Variants in KIF16B observed in about 807,000 individuals in gnomAD.
KIF16B encodes the protein kinesin-like protein KIF16B.
KIF16B carries 98 observed loss-of-function variants against 156.3 expected under a neutral mutation model. The ratio of observed to expected loss-of-function variants is 0.63; its 90% CI spans 0.53 to 0.74. The LOEUF is 0.74. Among genes scored for constraint, KIF16B ranks in the 30% least tolerant of loss-of-function variants. The pLI, the probability that KIF16B is intolerant of heterozygous loss-of-function variation, is 0.00. For synonymous variants in KIF16B, 564 were observed against 583.7 expected (o/e 0.97, Z 0.49); for missense variants, 1,421 against 1,606.5 (o/e 0.88, Z 1.97).
At chr20:16,286,585 T>A (rs1304330307) in intron 25 of KIF16B, among the ~76,000 whole-genome samples, 2 of 152,174 alleles carry the variant, frequency 1.3e-5, no homozygotes, top group East Asian at 1.9e-4. Context: ...TACTTATTCA[T>A]CTCTCTGGGC....
At chr20:16,394,567 G>T (rs564821690) in intron 17 of KIF16B, among the ~76,000 whole-genome samples, 1 of 152,240 alleles carries the variant, frequency 6.6e-6, no homozygotes, top group South Asian at 2.1e-4. Context: ...CAGCCTTGCA[G>T]CAAACTAAAC....
intron 9 of KIF16B, 33 bp downstream of exon 9, chr20:16,505,689 T>C (rs2068752926): frequency 1.3e-6 from 2 of 1,585,948 alleles, no homozygotes; most frequent in South Asian, 1.1e-5. Context: ...CAGAAAATAT[T>C]GTATGCTCAG....
intron 12 of KIF16B, among the ~76,000 whole-genome samples, chr20:16,490,545 A>C (rs1482993875): frequency 6.6e-6 from 1 of 152,158 alleles, no homozygotes; most frequent in African/African-American, 2.4e-5. Context: ...CCATCTCAAA[A>C]ATAAAATTTA....
At chr20:16,480,569 A>C (rs1207663557) in intron 12 of KIF16B, among the ~76,000 whole-genome samples, 1 of 152,244 alleles carries the variant, frequency 6.6e-6, no homozygotes, top group Non-Finnish European at 1.5e-5. Flanking sequence ...ATGAGTAGGA[A>C]CTCAAAAAAG....
Position 16,280,841 on chromosome 20 carries a change from C to CGCGCGTGTGT in KIF16B, c.3796-7431_3796-7430insACACACGCGC, listed in dbSNP as rs112026824. 1.7e-3 allele frequency among the ~76,000 whole-genome samples: 130 copies of CGCGCGTGTGT among 74,462 alleles called. No homozygotes were observed. In the East Asian group the frequency reaches 0.18, roughly 101 times the overall value. The allele number at this position is 74,462 out of a possible 152,430, so 48.8% of individuals were successfully genotyped here. On this transcript the variant is annotated intron_variant, in intron 25 of 25. Transcript: ENST00000354981. ...ATTTCAGTCAACTGCTGCGCGCGCA[C>CGCGCGTGTGT]GTGTGTGTGTGTGTGTGTGTGTGTG... is the stretch of plus-strand genomic sequence containing the variant.
chr20:16,469,215 T>C (rs115334751), intron 12 of KIF16B, among the ~76,000 whole-genome samples: 3,763 of 137,136 alleles, frequency 0.027, 181 homozygotes, highest in African/African-American at 0.096. Flanking sequence ...ATGGTGCCAC[T>C]GCACTCCAGC....
rs549479766 is a variant in KIF16B, at chr20:16,492,629, C to T, written c.1302+1662G>A. ...GAAAAAGCATAAGAAAAAGTTCAGGCTGTCATAGTTCTCGGTGTGGATACC... is the reference window on the plus strand; with the variant it reads ...GAAAAAGCATAAGAAAAAGTTCAGGTTGTCATAGTTCTCGGTGTGGATACC... On this transcript the variant is annotated intron_variant, in intron 12 of 25. Transcript: ENST00000354981. 2.0e-5 allele frequency among the ~76,000 whole-genome samples: 3 copies of T among 152,066 alleles called. No homozygotes were observed. The South Asian group carries it at 6.2e-4, about 32-fold the overall frequency.
chr20:16,347,265 C>T (rs535532073), intron 23 of KIF16B, among the ~76,000 whole-genome samples: 8 of 152,254 alleles, frequency 5.3e-5, no homozygotes, highest in South Asian at 2.1e-4. Context: ...AAAGTTCAAA[C>T]GATTTTGTGA....
intron 12 of KIF16B, among the ~76,000 whole-genome samples, chr20:16,445,419 C>CATGTGTGTGT (rs138741843): frequency 6.1e-5 from 9 of 146,760 alleles, no homozygotes; most frequent in Non-Finnish European, 1.2e-4. Context: ...CATGTATATA[C>CATGTGTGTGT]GTGTGTGTGT....
At chr20:16,374,433 T>C in intron 19 of KIF16B, 24 bp from the exon 20 acceptor site, 2 of 1,495,238 alleles carry the variant, frequency 1.3e-6, no homozygotes, top group Non-Finnish European at 1.8e-6. Flanking sequence ...AGCCACATAA[T>C]TCATTCATTA....
chr20:16,386,565 G>C (rs1600262462), intron 17 of KIF16B, among the ~76,000 whole-genome samples: 1 of 151,854 alleles, frequency 6.6e-6, no homozygotes, highest in South Asian at 2.1e-4. Context: ...TGGTGGTTTT[G>C]GGAGAATGGG....
intron 15 of KIF16B, among the ~76,000 whole-genome samples, chr20:16,414,810 TC>T (rs1174622038): frequency 1.3e-5 from 2 of 152,124 alleles, no homozygotes; most frequent in African/African-American, 4.8e-5. Flanking sequence ...AGCACAGACA[TC>T]CCCAACTTAA....
chr20:16,385,209 A>T (rs1313685319), intron 17 of KIF16B, among the ~76,000 whole-genome samples: 1 of 151,960 alleles, frequency 6.6e-6, no homozygotes, highest in Non-Finnish European at 1.5e-5. Flanking sequence ...AAAAAAAAAA[A>T]AAGTAGGTAC....
chr20:16,420,709 T>A (rs919112583), intron 15 of KIF16B, among the ~76,000 whole-genome samples: 12 of 152,096 alleles, frequency 7.9e-5, no homozygotes, highest in East Asian at 1.9e-4. Context: ...TTTGTTTGTT[T>A]GTTTGTTTGT....
At chr20:16,500,110 T>C (rs2068574993) in intron 10 of KIF16B, among the ~76,000 whole-genome samples, 1 of 152,194 alleles carries the variant, frequency 6.6e-6, no homozygotes, top group Non-Finnish European at 1.5e-5. Flanking sequence ...ACATCCTGTT[T>C]TTAAAGAACT....
intron 1 of KIF16B, among the ~76,000 whole-genome samples, chr20:16,530,213 G>A (rs1243425912): frequency 4.6e-5 from 7 of 152,252 alleles, no homozygotes; most frequent in South Asian, 2.1e-4. Flanking sequence ...GGGCTGTGGC[G>A]GGCACCTTCT....
At chr20:16,548,870 C>T (rs879468100) in intron 1 of KIF16B, among the ~76,000 whole-genome samples, 8 of 151,954 alleles carry the variant, frequency 5.3e-5, no homozygotes, top group Admixed American at 1.3e-4. Flanking sequence ...CACAACGAGA[C>T]GAAGACCACT....
intron 22 of KIF16B, among the ~76,000 whole-genome samples, chr20:16,366,364 G>T (rs778713815): frequency 1.4e-4 from 22 of 152,262 alleles, no homozygotes; most frequent in African/African-American, 5.3e-4. Flanking sequence ...GCAGAAAGAA[G>T]CCACGAGAGA....
chr20:16,498,760 AT>A (rs1363233882), intron 10 of KIF16B, among the ~76,000 whole-genome samples: 1 of 152,002 alleles, frequency 6.6e-6, no homozygotes, highest in Non-Finnish European at 1.5e-5. Flanking sequence ...TATGAATAGA[AT>A]AAATTCCTAG....
Sources: allele counts gnomAD v4.1 joint callset (sites outside exome capture counted in the v4.1 genomes callset), GRCh38; gene constraint gnomAD v4.1.1; transcripts MANE v1.5; gene names NCBI Gene and HGNC (gene_info 2026-07-23, HGNC 2026-07-21).